KIF13B: variants seen among roughly 807,000 people sequenced by gnomAD.
KIF13B encodes kinesin family member 13B, also known as kinesin-like protein KIF13B.
KIF13B carries 127 observed loss-of-function variants against 222.0 expected under a neutral mutation model. That is an observed-to-expected ratio of 0.57 (90% confidence interval 0.50 to 0.66). The LOEUF is 0.66. Among genes scored for constraint, KIF13B ranks in the 30% least tolerant of loss-of-function variants. The pLI is 0.00. For missense variants in KIF13B, 2,173 were observed against 2,379.0 expected, an observed-to-expected ratio of 0.91 and a Z score of 1.80; for synonymous variants, 976 against 919.0, an observed-to-expected ratio of 1.06 and a Z score of -1.12.
At chr8:29,122,668 G>A in intron 28 of KIF13B, 22 bp from the exon 29 acceptor site, 1 of 1,593,748 alleles carries the variant, frequency 6.3e-7, no homozygotes, top group Non-Finnish European at 8.6e-7. Flanking sequence ...AGAACAAATG[G>A]CATCTGCCTC....
At chr8:29,102,876 AAAAGATGAC>A (rs1314914892) in intron 35 of KIF13B, among the ~76,000 whole-genome samples, 2 of 152,230 alleles carry the variant, frequency 1.3e-5, no homozygotes, top group African/African-American at 4.8e-5. Context: ...AACTCCAATC[AAAAGATGAC>A]AAACATACAA....
At chr8:29,166,797 T>G (rs1390524430) in intron 11 of KIF13B, among the ~76,000 whole-genome samples, 1 of 151,920 alleles carries the variant, frequency 6.6e-6, no homozygotes. Flanking sequence ...TCAGAGTTGG[T>G]AGGTTTTCAA....
upstream of KIF13B, chr8:29,263,226 G>A: frequency 3.6e-6 from 2 of 553,784 alleles, no homozygotes; most frequent in South Asian, 2.3e-5. Flanking sequence ...CGTCGTGGGC[G>A]GGGCCGCAGC....
At chr8:29,245,279 T>C (rs1815971184) in intron 2 of KIF13B, 67 bp downstream of exon 2, 1 of 1,075,758 alleles carries the variant, frequency 9.3e-7, no homozygotes, top group Admixed American at 2.1e-5. Context: ...TGCAACTTAA[T>C]TCAGCAGCCA....
intron 12 of KIF13B, among the ~76,000 whole-genome samples, chr8:29,163,394 G>A (rs144360894): frequency 2.0e-5 from 3 of 152,210 alleles, no homozygotes; most frequent in African/African-American, 7.2e-5. Flanking sequence ...ACAGAGCCCA[G>A]AGGACCCATG....
chr8:29,090,956 G>A (rs1355110347), intron 37 of KIF13B, among the ~76,000 whole-genome samples: 1 of 152,164 alleles, frequency 6.6e-6, no homozygotes, highest in Non-Finnish European at 1.5e-5. Context: ...GACCTCAGGT[G>A]AGCCACCTGC....
chr8:29,133,972 G>T (rs1810453965), intron 22 of KIF13B, 68 bp downstream of exon 22: 1 of 1,432,962 alleles, frequency 7.0e-7, no homozygotes. Context: ...AAAGAAACAA[G>T]GTTCATTTTC....
rs1200293112 is a variant in KIF13B at position 29,200,947 on chromosome 8, TC to T, written c.150-4749del. 5.9e-5 allele frequency among the ~76,000 whole-genome samples: 9 copies of T among 152,318 alleles called. No homozygotes were observed. In the South Asian group the frequency reaches 1.9e-3, roughly 32 times the overall value. ...TATGAGGTGCATGTGCCATTACTGA[TC>T]ATGTTAATTCTGATCACTTGGTCAA... On this transcript the variant is annotated intron_variant, in intron 2 of 39. Transcript: ENST00000524189.
intron 6 of KIF13B, among the ~76,000 whole-genome samples, chr8:29,183,060 CATTTT>C (rs910109421): frequency 6.6e-6 from 1 of 151,486 alleles, no homozygotes; most frequent in Admixed American, 6.6e-5. Context: ...TACTGATTTT[CATTTT>C]ATATTTTTGT....
intron 2 of KIF13B, among the ~76,000 whole-genome samples, chr8:29,199,712 G>A (rs1489801381): frequency 6.6e-6 from 1 of 151,924 alleles, no homozygotes; most frequent in African/African-American, 2.4e-5. Flanking sequence ...CAAGGTCCAC[G>A]TTCTTGCCCA....
chr8:29,084,021 T>C (rs898352679), intron 37 of KIF13B, among the ~76,000 whole-genome samples: 2 of 152,130 alleles, frequency 1.3e-5, no homozygotes, highest in African/African-American at 4.8e-5. Flanking sequence ...TTCAAGCGAT[T>C]CCCCTGCCTC....
At chr8:29,122,496 C>A in intron 29 of KIF13B, 95 bp downstream of exon 29, 2 of 969,228 alleles carry the variant, frequency 2.1e-6, no homozygotes, top group Non-Finnish European at 1.6e-6. Flanking sequence ...CTTAGGGGGA[C>A]AGAATTGCCT....
intron 31 of KIF13B, among the ~76,000 whole-genome samples, chr8:29,116,146 C>A (rs975662823): frequency 6.6e-6 from 1 of 152,264 alleles, no homozygotes; most frequent in Non-Finnish European, 1.5e-5. Context: ...ATCCTGCTGC[C>A]TCAGCCTCCT....
chr8:29,180,351 G>A, intron 7 of KIF13B, 113 bp from the exon 8 acceptor site: 2 of 1,057,878 alleles, frequency 1.9e-6, no homozygotes, highest in Non-Finnish European at 2.9e-6. Flanking sequence ...ACAACATTTG[G>A]AGTTAACATT....
intron 10 of KIF13B, among the ~76,000 whole-genome samples, chr8:29,168,146 C>T (rs898288114): frequency 2.0e-5 from 3 of 152,350 alleles, no homozygotes; most frequent in East Asian, 1.9e-4. Context: ...TCATTTTCTT[C>T]GCTCTGATAG....
At chr8:29,150,075 A>G (rs1811231259) in intron 15 of KIF13B, among the ~76,000 whole-genome samples, 1 of 152,226 alleles carries the variant, frequency 6.6e-6, no homozygotes, top group Non-Finnish European at 1.5e-5. Flanking sequence ...ATGTAGGTAA[A>G]CTCAGTATTT....
intron 14 of KIF13B, among the ~76,000 whole-genome samples, chr8:29,155,368 A>G (rs1811473506): frequency 6.6e-6 from 1 of 152,198 alleles, no homozygotes; most frequent in Non-Finnish European, 1.5e-5. Context: ...TTAGCAGGTC[A>G]AAGGATTGGC....
chr8:29,239,650 G>GT (rs763661522), intron 2 of KIF13B, among the ~76,000 whole-genome samples: 15 of 151,754 alleles, frequency 9.9e-5, no homozygotes, highest in East Asian at 5.8e-4. Context: ...ATATACCCTT[G>GT]TTTTTTTTGT....
intron 18 of KIF13B, among the ~76,000 whole-genome samples, chr8:29,145,494 G>A: frequency 6.6e-6 from 1 of 152,076 alleles, no homozygotes; most frequent in East Asian, 1.9e-4. Context: ...AGTCCAGCGT[G>A]GTGGCACACA....
Sources: allele counts gnomAD v4.1 joint callset (sites outside exome capture counted in the v4.1 genomes callset), GRCh38; gene constraint gnomAD v4.1.1; transcripts MANE v1.5; gene names NCBI Gene and HGNC (gene_info 2026-07-23, HGNC 2026-07-21).